CTNNA3: variants seen among roughly 807,000 people sequenced by gnomAD.
The protein encoded by CTNNA3 is catenin alpha-3.
A neutral mutation model predicts 95.7 loss-of-function variants in CTNNA3; 76 were observed. The observed-to-expected ratio is 0.79, with a 90% confidence interval of 0.66 to 0.96. The LOEUF (loss-of-function observed/expected upper bound fraction) is 0.96. Ranked by LOEUF, CTNNA3 falls within the 40% of genes least tolerant of loss-of-function variation. The probability of loss-of-function intolerance (pLI) is 0.00; values close to 1 mark genes in which losing one functional copy is unlikely to be tolerated. For synonymous variants in CTNNA3, 431 were observed against 374.4 expected (o/e 1.15, Z -1.74); for missense variants, 1,191 against 1,089.8 (o/e 1.09, Z -1.31).
At chr10:66,398,434 A>T (rs2092995958) in intron 11 of CTNNA3, among the ~76,000 whole-genome samples, 1 of 151,826 alleles carries the variant, frequency 6.6e-6, no homozygotes, top group Admixed American at 6.6e-5. Context: ...AGTGTAATGT[A>T]TCTATGGTAT....
At chr10:66,361,912 C>A (rs2092679046) in intron 12 of CTNNA3, among the ~76,000 whole-genome samples, 1 of 151,848 alleles carries the variant, frequency 6.6e-6, no homozygotes. Context: ...CTGTTTCTTT[C>A]TTTAATGAAG....
chr10:66,426,603 C>A (rs899565649), intron 11 of CTNNA3, among the ~76,000 whole-genome samples: 1 of 151,884 alleles, frequency 6.6e-6, no homozygotes, highest in Non-Finnish European at 1.5e-5. Context: ...AAGTTAAAAG[C>A]CAATCTTTTT....
intron 11 of CTNNA3, among the ~76,000 whole-genome samples, chr10:66,504,584 G>A (rs1325519693): frequency 2.0e-5 from 3 of 152,138 alleles, no homozygotes; most frequent in Non-Finnish European, 2.9e-5. Context: ...CTCATTGGTA[G>A]GTAGGAACGT....
rs574138967 is a variant in CTNNA3 at position 67,714,159 on chromosome 10, A to T, written c.-2+49275T>A. Among the ~76,000 whole-genome samples the T allele has an allele frequency of 2.6e-3, 402 of 152,306 alleles. 5 individuals carry two copies. Among genetic ancestry groups the T allele is most frequent in the Non-Finnish European group, 4.0e-4 (27 of 68,026 alleles). ...GGACACCATGTAGTGAAGCTGTGAG[A>T]AGAGGGCCACCATCCTCCAGACCCC... is the stretch of plus-strand genomic sequence containing the variant. On this transcript the variant is annotated intron_variant, in intron 1 of 17. Transcript: ENST00000684154.
At chr10:66,784,404 G>C (rs1840659219) in intron 7 of CTNNA3, among the ~76,000 whole-genome samples, 1 of 152,034 alleles carries the variant, frequency 6.6e-6, no homozygotes, top group Non-Finnish European at 1.5e-5. Flanking sequence ...TATGAAACTT[G>C]ATTTGTGCAG....
intron 3 of CTNNA3, among the ~76,000 whole-genome samples, chr10:67,566,144 T>C (rs1039763299): frequency 1.6e-5 from 2 of 126,912 alleles, no homozygotes; most frequent in African/African-American, 5.9e-5. Flanking sequence ...CCAAAAGCAA[T>C]GGCAACAAAA....
At chr10:67,473,004 T>A (rs965221843) in intron 5 of CTNNA3, among the ~76,000 whole-genome samples, 33 of 152,230 alleles carry the variant, frequency 2.2e-4, no homozygotes, top group African/African-American at 8.0e-4. Context: ...AGGCAATCAC[T>A]TGCTCATATG....
chr10:67,083,612 G>A (rs1176804851), intron 7 of CTNNA3, among the ~76,000 whole-genome samples: 7 of 152,068 alleles, frequency 4.6e-5, no homozygotes, highest in Admixed American at 4.6e-4. Context: ...TCAGATACTA[G>A]ACAGTGATAG....
chr10:66,268,514 T>C (rs750320523), intron 13 of CTNNA3, among the ~76,000 whole-genome samples: 77 of 152,316 alleles, frequency 5.1e-4, no homozygotes, highest in Non-Finnish European at 2.9e-4. Context: ...ATGTCAGACA[T>C]GCACAAGAAG....
intron 12 of CTNNA3, among the ~76,000 whole-genome samples, chr10:66,326,661 A>C (rs2092258249): frequency 6.6e-6 from 1 of 152,096 alleles, no homozygotes; most frequent in African/African-American, 2.4e-5. Context: ...TATATTTATA[A>C]ATTCATATTA....
At chr10:67,400,723 A>G (rs979960266) in intron 5 of CTNNA3, among the ~76,000 whole-genome samples, 2 of 152,202 alleles carry the variant, frequency 1.3e-5, no homozygotes, top group Admixed American at 6.5e-5. Context: ...ATTAGATCCT[A>G]ATTACTTTTC....
At chr10:66,321,324 G>A (rs954646619) in intron 12 of CTNNA3, among the ~76,000 whole-genome samples, 9 of 152,050 alleles carry the variant, frequency 5.9e-5, no homozygotes, top group Non-Finnish European at 1.3e-4. Flanking sequence ...TTAAGTTACC[G>A]AAAGAAACAT....
intron 14 of CTNNA3, among the ~76,000 whole-genome samples, chr10:66,092,180 A>G (rs1024364431): frequency 2.0e-5 from 3 of 151,734 alleles, no homozygotes; most frequent in Non-Finnish European, 2.9e-5. Flanking sequence ...ATATATACAC[A>G]ATCAACAACG....
intron 1 of CTNNA3, among the ~76,000 whole-genome samples, chr10:67,712,080 C>A (rs545866872): frequency 6.6e-6 from 1 of 152,100 alleles, no homozygotes; most frequent in African/African-American, 2.4e-5. Flanking sequence ...AAGACACATG[C>A]ACACGTATGT....
At chr10:66,442,918 G>C (rs779750914) in intron 11 of CTNNA3, among the ~76,000 whole-genome samples, 2 of 152,164 alleles carry the variant, frequency 1.3e-5, no homozygotes, top group Non-Finnish European at 2.9e-5. Context: ...CAAAGAAAGG[G>C]GTGACAGACG....
intron 3 of CTNNA3, among the ~76,000 whole-genome samples, chr10:67,575,714 T>C (rs1277428569): frequency 6.6e-6 from 1 of 152,174 alleles, no homozygotes. Context: ...ACTCCTCATA[T>C]CATATTCTAA....
chr10:66,387,693 C>A (rs2132518310), intron 11 of CTNNA3, among the ~76,000 whole-genome samples: 1 of 152,290 alleles, frequency 6.6e-6, no homozygotes, highest in South Asian at 2.1e-4. Flanking sequence ...TTGGAACCAA[C>A]CTCAATGTCC....
At chr10:67,275,199 G>T (rs577534469) in intron 5 of CTNNA3, among the ~76,000 whole-genome samples, 25 of 152,226 alleles carry the variant, frequency 1.6e-4, no homozygotes, top group African/African-American at 6.0e-4. Flanking sequence ...ACTATATAAG[G>T]TAGGTACTGC....
intron 10 of CTNNA3, among the ~76,000 whole-genome samples, chr10:66,580,447 A>G (rs535770419): frequency 1.3e-5 from 2 of 151,894 alleles, no homozygotes; most frequent in East Asian, 1.9e-4. Flanking sequence ...TCTTCAACCA[A>G]TTTTGAAATA....
Sources: allele counts gnomAD v4.1 joint callset (sites outside exome capture counted in the v4.1 genomes callset), GRCh38; gene constraint gnomAD v4.1.1; transcripts MANE v1.5; gene names NCBI Gene and HGNC (gene_info 2026-07-23, HGNC 2026-07-21).